The following AHDC1 variants were observed in gnomAD, a reference collection of about 807,000 sequenced individuals.
AHDC1 encodes AT-hook DNA binding motif containing 1, also known as transcription factor Gibbin.
AHDC1 carries 7 observed loss-of-function variants against 87.9 expected under a neutral mutation model. The ratio of observed to expected loss-of-function variants is 0.08; its 90% CI spans 0.05 to 0.15. The LOEUF (loss-of-function observed/expected upper bound fraction) is 0.15, where lower values mean the gene tolerates loss of function less well. Among genes scored for constraint, AHDC1 ranks in the 10% least tolerant of loss-of-function variants. AHDC1 has a pLI of 1.00. For missense variants in AHDC1, 1,841 were observed against 2,253.2 expected (o/e 0.82, Z 3.70); for synonymous variants, 1,051 against 1,006.8 (o/e 1.04, Z -0.83).
chr1:27,561,354 A>T lies in AHDC1; in HGVS notation c.-628-2471T>A, dbSNP rs954647610. Among the ~76,000 whole-genome samples, 3 of 147,300 alleles carry T rather than the reference A, an allele frequency of 2.0e-5. No individual in the cohort carries two copies. The highest frequency in any genetic ancestry group is 4.5e-5 in the Non-Finnish European group (3 of 66,048). On this transcript the variant is annotated intron_variant, in intron 3 of 8. Transcript: ENST00000673934. This position sits in a 1 kb window ranked among gnomAD's most constrained non-coding sequence, Gnocchi z 4.2. The stretch of plus-strand genomic sequence containing the variant: ...GCCTGGCCCTGAGTGTTGGGGGGGA[A>T]CTTCAGGAGCAAAGCTGCCCTTAGC...
chr1:27,534,633 A>G lies in AHDC1; in HGVS notation c.*327T>C, dbSNP rs1427259089. ...GGGCCCCGCTCGCAACCTCTTGCAC[A>G]CGCTCGCTCTCTCGCTCTCTCTCTC... On this transcript the variant is annotated 3_prime_UTR_variant, in exon 9 of 9. Coordinates refer to ENST00000673934, the MANE Select transcript of AHDC1 (RefSeq NM_001371928.1). 1 of 150,538 alleles carries G rather than the reference A, an allele frequency of 6.6e-6. No homozygotes were observed. The highest frequency in any genetic ancestry group is 1.5e-5 in the Non-Finnish European group (1 of 67,694). The allele number at this position is 150,538 out of a possible 1,614,324, so 9.3% of individuals were successfully genotyped here. A position where few individuals can be genotyped will look rare whatever the true frequency, so the allele number is the denominator to read the frequency against.
upstream of AHDC1, chr1:27,604,188 G>C (rs1022909682): frequency 3.9e-5 from 6 of 152,216 alleles, no homozygotes; most frequent in African/African-American, 4.8e-5. Flanking sequence ...GGAACCCCAG[G>C]GGGGAGCGCG....
chr1:27,601,715 C>A lies in AHDC1; in HGVS notation c.-629+1682G>T, dbSNP rs573156638. On this transcript the variant is annotated intron_variant, in intron 3 of 8. Transcript: ENST00000673934. Reference sequence around the variant, plus strand: ...CCACAACCCAGCCTTCCTACCCCCCCACCCCAGGTTGGGGGACAGACTGGT... The same window carrying A: ...CCACAACCCAGCCTTCCTACCCCCCAACCCCAGGTTGGGGGACAGACTGGT... Among the ~76,000 whole-genome samples, 34 of 152,362 alleles carry A rather than the reference C, an allele frequency of 2.2e-4. No homozygotes were observed. The South Asian group carries it at 6.2e-3, about 28-fold the overall frequency.
At position 27,549,415 on chromosome 1, in the gene AHDC1, C is replaced by T; in HGVS notation, c.2701G>A (p.Gly901Ser). 6.2e-7 allele frequency: 1 copy of T among 1,612,920 alleles called. No individual in the cohort carries two copies. The highest frequency in any genetic ancestry group is 8.5e-7 in the Non-Finnish European group (1 of 1,179,836). The change falls in exon 8 of 9, where the codon GGT (glycine) becomes AGT (serine). Residue 901 changes from glycine (G) to serine (S), a missense_variant. Coordinates refer to ENST00000673934, the MANE Select transcript of AHDC1 (RefSeq NM_001371928.1). ...GGGTCCGCCCCAGCCCCGCTGCTAC[C>T]CACTGCCACTGGGCTGGCCTTGGCT... ...RGAKASPVAV[G>S]SSGAGADPSF...
rs773139076 is a variant in AHDC1 at position 27,560,745 on chromosome 1, T to C, written c.-628-1862A>G. Among the ~76,000 whole-genome samples the C allele has an allele frequency of 9.2e-5, 14 of 152,194 alleles. No individual in the cohort carries two copies. Among genetic ancestry groups the C allele is most frequent in the South Asian group, 2.1e-4 (1 of 4,836 alleles). On this transcript the variant is annotated intron_variant, in intron 3 of 8. Transcript: ENST00000673934. The surrounding 1 kb of genome is among the most constrained non-coding windows in gnomAD (Gnocchi z 4.1). ...ATGTCACTGTATGATTGTGCCAGTA[T>C]GGCCGTGTGTCAGCGTCAACATGTG... is the stretch of plus-strand genomic sequence containing the variant.
At chr1:27,582,131 T>A (rs1013624952) in intron 3 of AHDC1, among the ~76,000 whole-genome samples, 1 of 152,228 alleles carries the variant, frequency 6.6e-6, no homozygotes, top group Non-Finnish European at 1.5e-5. Flanking sequence ...TCCCTGGACA[T>A]TGACCCACCT....
At position 27,547,145 on chromosome 1, in the gene AHDC1, T is replaced by C. The variant is rs768748937; in HGVS notation, c.*43+116A>G. ...ACACCCTGCTCTCAGTCCCCAGCCT[T>C]GCCCTTAAATCCTGCATTTGCTTCC... is the stretch of plus-strand genomic sequence containing the variant. On this transcript the variant is annotated intron_variant, in intron 8 of 8. Coordinates refer to ENST00000673934, the MANE Select transcript of AHDC1 (RefSeq NM_001371928.1). This position sits in a 1 kb window ranked among gnomAD's most constrained non-coding sequence, Gnocchi z 4.9. 18 of 696,598 alleles carry C rather than the reference T, an allele frequency of 2.6e-5. No homozygotes were observed. Among genetic ancestry groups the C allele is most frequent in the Non-Finnish European group, 4.1e-5 (18 of 442,638 alleles). 43.2% of individuals were successfully genotyped at this position (696,598 alleles called of 1,614,324 possible).
At chr1:27,537,970 T>G (rs2018720858) in intron 8 of AHDC1, among the ~76,000 whole-genome samples, 1 of 152,202 alleles carries the variant, frequency 6.6e-6, no homozygotes, top group Non-Finnish European at 1.5e-5. Flanking sequence ...TATTTGTGCT[T>G]TCATTTAAGT....
At chr1:27,600,832 C>T (rs895476896) in intron 3 of AHDC1, among the ~76,000 whole-genome samples, 1 of 152,184 alleles carries the variant, frequency 6.6e-6, no homozygotes, top group African/African-American at 2.4e-5. Context: ...AGAAGCCTCC[C>T]AGCCCAGATC....
chr1:27,597,606 G>A lies in AHDC1; in HGVS notation c.-629+5791C>T, dbSNP rs116289978. Among the ~76,000 whole-genome samples, 764 of 152,180 alleles carry A rather than the reference G, an allele frequency of 5.0e-3. 15 individuals carry two copies. The highest frequency in any genetic ancestry group is 0.018 in the African/African-American group (730 of 41,488). On this transcript the variant is annotated intron_variant, in intron 3 of 8. Transcript: ENST00000673934. ...GGGCTCTGGGCGGCTTCTCTCTCTT[G>A]CTCTTTCTCCCTGACCTCTTTAGCA...
intron 3 of AHDC1, chr1:27,568,318 T>C (rs1338142586): frequency 6.6e-6 from 1 of 152,306 alleles, no homozygotes; most frequent in East Asian, 1.9e-4. Flanking sequence ...GGGTAGGTTC[T>C]AGGAAGGCTT....
At chr1:27,599,395 G>A (rs1571354657) in intron 3 of AHDC1, among the ~76,000 whole-genome samples, 4 of 151,966 alleles carry the variant, frequency 2.6e-5, no homozygotes, top group South Asian at 2.1e-4. Flanking sequence ...CAGCAGCGGC[G>A]CCTCCCCCTC....
chr1:27,554,390 C>T (rs2019730818), intron 5 of AHDC1, among the ~76,000 whole-genome samples: 1 of 152,178 alleles, frequency 6.6e-6, no homozygotes, highest in African/African-American at 2.4e-5. Context: ...TTTAGTGTGT[C>T]CCCCACAAGA....
At chr1:27,592,045 G>A (rs1209711685) in intron 3 of AHDC1, among the ~76,000 whole-genome samples, 1 of 152,160 alleles carries the variant, frequency 6.6e-6, no homozygotes, top group Non-Finnish European at 1.5e-5. Flanking sequence ...GCCCAGAAGG[G>A]CCAGCCGAAT....
intron 5 of AHDC1, among the ~76,000 whole-genome samples, chr1:27,557,419 C>T (rs922133738): frequency 5.9e-5 from 9 of 151,966 alleles, no homozygotes; most frequent in South Asian, 2.1e-4. Flanking sequence ...TGTTCCACGC[C>T]CCCCCGCTCC....
intron 8 of AHDC1, among the ~76,000 whole-genome samples, chr1:27,543,770 C>A (rs2019039740): frequency 6.6e-6 from 1 of 152,026 alleles, no homozygotes; most frequent in Admixed American, 6.6e-5. Context: ...TGGTGAAACC[C>A]CATCTCTACT....
chr1:27,548,386 C>T lies in AHDC1; in HGVS notation c.3730G>A (p.Ala1244Thr). Residue 1244 changes from alanine (A) to threonine (T), a missense_variant, in exon 8 of 9, where the codon GCC (alanine) becomes ACC (threonine). By Grantham distance (58) the Ala-to-Thr change is moderately conservative. Transcript: ENST00000673934. ...GRRKKVDLFE[A>T]SHLGFPTSAS... ...GATGTCGGGAAGCCCAGATGTGAGG[C>T]CTCGAACAGGTCCACCTTCTTCCGC... 1.2e-6 allele frequency: 2 copies of T among 1,607,974 alleles called. No individual in the cohort carries two copies. The highest frequency in any genetic ancestry group is 1.7e-5 in the Admixed American group (1 of 59,938).
chr1:27,542,364 CA>C (rs1209116153), intron 8 of AHDC1, among the ~76,000 whole-genome samples: 1 of 152,194 alleles, frequency 6.6e-6, no homozygotes, highest in Non-Finnish European at 1.5e-5. Context: ...CCCAAATCCA[CA>C]CTAGAATACA....
intron 3 of AHDC1, among the ~76,000 whole-genome samples, chr1:27,580,640 G>A (rs1229631046): frequency 2.0e-5 from 3 of 152,092 alleles, no homozygotes; most frequent in Admixed American, 6.5e-5. Flanking sequence ...CAGTTTTCTC[G>A]TCTGTAAAAT....
Sources: gnomAD v4.1 joint callset for allele counts (sites outside exome capture counted in the v4.1 genomes callset) on GRCh38, gnomAD v4.1.1 for gene constraint, Gnocchi (gnomAD v3.1) non-coding constraint, MANE v1.5 for transcripts, NCBI Gene and HGNC (gene_info 2026-07-23, HGNC 2026-07-21) for gene names.